The following IRAG2 variants were observed in gnomAD, a reference collection of about 807,000 sequenced individuals.
IRAG2 encodes inositol 1,4,5-triphosphate receptor associated 2.
A neutral mutation model predicts 69.9 loss-of-function variants in IRAG2; 45 were observed. The ratio of observed to expected loss-of-function variants is 0.64; its 90% CI spans 0.51 to 0.83. IRAG2 has a LOEUF of 0.83. Ranked by LOEUF, IRAG2 falls within the 40% of genes least tolerant of loss-of-function variation. The probability of loss-of-function intolerance (pLI) is 0.00; values close to 1 mark genes in which losing one functional copy is unlikely to be tolerated. For synonymous variants in IRAG2, 193 were observed against 202.4 expected, an observed-to-expected ratio of 0.95 and a Z score of 0.40; for missense variants, 520 against 587.0, an observed-to-expected ratio of 0.89 and a Z score of 1.18.
At chr12:25,039,900 T>A (rs965339922) in intron 16 of IRAG2, among the ~76,000 whole-genome samples, 2 of 152,206 alleles carry the variant, frequency 1.3e-5, no homozygotes, top group Non-Finnish European at 2.9e-5. Flanking sequence ...GTGCTAAGAA[T>A]CTGACATATA....
chr12:25,027,634 T>G (rs1053962110), intron 9 of IRAG2, among the ~76,000 whole-genome samples: 2 of 152,130 alleles, frequency 1.3e-5, no homozygotes, highest in African/African-American at 4.8e-5. Context: ...GACCTTGTGA[T>G]CTGCCCACCT....
At chr12:25,022,026 T>C (rs985141012) in intron 7 of IRAG2, among the ~76,000 whole-genome samples, 1 of 152,180 alleles carries the variant, frequency 6.6e-6, no homozygotes, top group African/African-American at 2.4e-5. Context: ...ACTGCCTTCC[T>C]TCAAGCTCCG....
upstream of IRAG2, among the ~76,000 whole-genome samples, chr12:25,000,013 C>T (rs1051059420): frequency 1.6e-4 from 24 of 152,308 alleles, no homozygotes; most frequent in Admixed American, 4.6e-4. Flanking sequence ...CTTACTTGTT[C>T]ATAGCTGTAT....
intron 16 of IRAG2, among the ~76,000 whole-genome samples, chr12:25,045,546 C>T (rs1007741761): frequency 2.0e-5 from 3 of 151,886 alleles, no homozygotes; most frequent in Non-Finnish European, 4.4e-5. Context: ...GATATTACAA[C>T]TAGAACTGCA....
intron 1 of IRAG2, among the ~76,000 whole-genome samples, chr12:25,060,673 T>C (rs1050103022): frequency 3.2e-4 from 47 of 147,298 alleles, no homozygotes; most frequent in African/African-American, 1.1e-3. Flanking sequence ...ATTTTCTTTT[T>C]TTTTTTTTTT....
At chr12:25,068,591 A>T (rs771617424) in intron 5 of IRAG2, among the ~76,000 whole-genome samples, 10 of 152,158 alleles carry the variant, frequency 6.6e-5, no homozygotes, top group Non-Finnish European at 1.5e-4. Flanking sequence ...TCCCCTGGCA[A>T]CCAGCCCCTC....
In IRAG2 at chr12:25,027,398, C is replaced by CTT. The variant is rs527395400; in HGVS notation, c.1461+545_1461+546dup. ...CATGTATTACTACCTCTTTTTTTTTCTTTTTTTTTTTTTTGAGACAGAATC... is the reference window on the plus strand; with the variant it reads ...CATGTATTACTACCTCTTTTTTTTTCTTTTTTTTTTTTTTTTGAGACAGAATC... On this transcript the variant is annotated intron_variant, in intron 9 of 38. Transcript: ENST00000636465. Among the ~76,000 whole-genome samples, 465 of 128,490 alleles carry CTT rather than the reference C, an allele frequency of 3.6e-3. 6 individuals are homozygous for CTT. Among genetic ancestry groups the CTT allele is most frequent in the African/African-American group, 0.013 (454 of 34,416 alleles). The allele number at this position is 128,490 out of a possible 152,430, so 84.3% of individuals were successfully genotyped here.
At chr12:25,008,595 C>T (rs112296063) in intron 2 of IRAG2, among the ~76,000 whole-genome samples, 1,972 of 152,166 alleles carry the variant, frequency 0.013, 32 homozygotes, top group African/African-American at 0.044. Flanking sequence ...AAAAATTACC[C>T]AGGCGTGGTG....
chr12:25,089,653 C>T lies in IRAG2; in HGVS notation c.413C>T (p.Ser138Leu), dbSNP rs1460306419. 8 of 1,602,662 alleles carry T rather than the reference C, an allele frequency of 5.0e-6. No homozygotes were observed. Among genetic ancestry groups the T allele is most frequent in the African/African-American group, 1.3e-5 (1 of 74,688 alleles). ...CCTCTTCCTGTAACCACTGTGAAAT[C>T]GGTTAACCTTAGACAAAGTGAGAAG... Reference protein sequence around the residue: ...VSPLPVTTVKSVNLRQSENTS... With the variant: ...VSPLPVTTVKLVNLRQSENTS... Residue 138 changes from serine to leucine, a missense_variant, in exon 12 of 22, where the codon TCG (serine) becomes TTG (leucine). Physicochemically the swap from Ser to Leu is moderately radical, Grantham distance 145. Coordinates refer to ENST00000556887, the MANE Select transcript of IRAG2 (RefSeq NM_001366544.2).
chr12:25,107,184 T>C, intron 21 of IRAG2, 134 bp downstream of exon 21: 1 of 439,354 alleles, frequency 2.3e-6, no homozygotes, highest in Admixed American at 4.2e-5. Flanking sequence ...TAACAAACTT[T>C]GTATGTCAGG....
chr12:25,053,517 T>C (rs1219923800), intron 1 of IRAG2, among the ~76,000 whole-genome samples: 2 of 152,114 alleles, frequency 1.3e-5, no homozygotes, highest in Non-Finnish European at 1.5e-5. Context: ...AATTGGAATA[T>C]TTGTCATTTT....
upstream of IRAG2, among the ~76,000 whole-genome samples, chr12:25,000,302 C>T (rs1039479231): frequency 7.2e-5 from 11 of 152,086 alleles, no homozygotes; most frequent in African/African-American, 2.4e-4. Context: ...AAAAGATTAG[C>T]TGGGCATAGT....
At chr12:25,048,438 A>G (rs1224989526), upstream of IRAG2, among the ~76,000 whole-genome samples, 1 of 152,028 alleles carries the variant, frequency 6.6e-6, no homozygotes, top group Non-Finnish European at 1.5e-5. Flanking sequence ...CTGGGACTAC[A>G]GGCACACACC....
intron 14 of IRAG2, among the ~76,000 whole-genome samples, chr12:25,096,064 G>A (rs1019925308): frequency 4.6e-5 from 7 of 152,188 alleles, no homozygotes; most frequent in African/African-American, 1.7e-4. Flanking sequence ...CAGGCAGTTG[G>A]CATCTCTTAC....
chr12:25,009,178 C>A (rs150435561), intron 2 of IRAG2, among the ~76,000 whole-genome samples: 2 of 151,986 alleles, frequency 1.3e-5, no homozygotes, highest in African/African-American at 4.8e-5. Flanking sequence ...TGGTGGCACA[C>A]GCCTGTAATC....
chr12:25,097,442 T>C (rs1948489180), intron 15 of IRAG2: 2 of 153,598 alleles, frequency 1.3e-5, no homozygotes, highest in African/African-American at 4.8e-5. Flanking sequence ...TATAAATTAT[T>C]TAACCAATTC....
Position 25,004,823 on chromosome 12 carries a change from T to A in IRAG2, c.482T>A (p.Leu161Ter). 1 of 1,232,124 alleles carries A rather than the reference T, an allele frequency of 8.1e-7. No homozygotes were observed. Among genetic ancestry groups the A allele is most frequent in the Non-Finnish European group, 1.0e-6 (1 of 987,938 alleles). The allele number at this position is 1,232,124 out of a possible 1,614,324, so 76.3% of individuals were successfully genotyped here. ...TGTAGTGAAAATAATTTTAGTACCT[T>A]AACACTTGACTTTGATTCCACCTTT... The change falls in exon 1 of 39, where the codon TTA becomes TAA. Residue 161 changes from leucine (L) to a stop codon, truncating the protein, a stop_gained. Transcript: ENST00000636465. LOFTEE classifies it high-confidence loss of function.
chr12:25,083,119 T>C (rs1286053504), intron 9 of IRAG2, among the ~76,000 whole-genome samples: 1 of 152,210 alleles, frequency 6.6e-6, no homozygotes, highest in Non-Finnish European at 1.5e-5. Flanking sequence ...TTTCTATTAT[T>C]GTACCAGTCA....
chr12:25,027,443 GGAGTGCAGTGGT>G (rs1011939377), intron 9 of IRAG2, among the ~76,000 whole-genome samples: 2 of 145,540 alleles, frequency 1.4e-5, no homozygotes, highest in Admixed American at 1.4e-4. Flanking sequence ...TGCCCAGGCT[GGAGTGCAGTGGT>G]GCAATCTTGG....
Sources: allele counts gnomAD v4.1 joint callset (sites outside exome capture counted in the v4.1 genomes callset), GRCh38; gene constraint gnomAD v4.1.1; transcripts MANE v1.5; gene names NCBI Gene and HGNC (gene_info 2026-07-23, HGNC 2026-07-21).